MIPOL1: variants seen among roughly 807,000 people sequenced by gnomAD.
The protein encoded by MIPOL1 is mirror-image polydactyly gene 1 protein.
MIPOL1 carries 57 observed loss-of-function variants against 60.9 expected under a neutral mutation model. The ratio of observed to expected loss-of-function variants is 0.94; its 90% CI spans 0.76 to 1.17. The LOEUF is 1.17. Ranked by LOEUF, MIPOL1 falls within the 50% of genes most tolerant of loss-of-function variation. MIPOL1 has a pLI of 0.00. For missense variants in MIPOL1, 551 were observed against 511.6 expected, an observed-to-expected ratio of 1.08 and a Z score of -0.74; for synonymous variants, 179 against 168.8, an observed-to-expected ratio of 1.06 and a Z score of -0.47.
chr14:37,432,468 T>G (rs1327575600), intron 11 of MIPOL1, among the ~76,000 whole-genome samples: 1 of 152,228 alleles, frequency 6.6e-6, no homozygotes, highest in Non-Finnish European at 1.5e-5. Flanking sequence ...TAATAAGAAC[T>G]CATTGATAAA....
chr14:37,292,261 AG>A (rs1484525448), intron 7 of MIPOL1, among the ~76,000 whole-genome samples: 6 of 151,822 alleles, frequency 4.0e-5, no homozygotes, highest in Non-Finnish European at 8.8e-5. Context: ...AGTTTTGGAG[AG>A]GACAAGCATT....
intron 11 of MIPOL1, among the ~76,000 whole-genome samples, chr14:37,480,236 G>A (rs931147359): frequency 6.6e-6 from 1 of 152,050 alleles, no homozygotes; most frequent in African/African-American, 2.4e-5. Flanking sequence ...CCCAGAGTCA[G>A]ACCAGGACAT....
At position 37,200,883 on chromosome 14, in the gene MIPOL1, TGTGTGTGTGTGTGTG is replaced by T. The variant is rs1566965042; in HGVS notation, c.-199+2780_-199+2794del. Among the ~76,000 whole-genome samples, 13 of 107,518 alleles carry T rather than the reference TGTGTGTGTGTGTGTG, an allele frequency of 1.2e-4. No individual in the cohort carries two copies. The East Asian group carries it at 1.3e-3, about 10-fold the overall frequency. The allele number at this position is 107,518 out of a possible 152,430, so 70.5% of individuals were successfully genotyped here. ...GTGTGTGTGTGTGTGTGTGTGTGTGTGTGTGTGTGTGTGTGTATTTTTTTTTTTTTTTTTTTTGAG... is the reference window on the plus strand; with the variant it reads ...GTGTGTGTGTGTGTGTGTGTGTGTGTTATTTTTTTTTTTTTTTTTTTTGAG... On this transcript the variant is annotated intron_variant, in intron 1 of 12. Coordinates refer to ENST00000684589, the MANE Select transcript of MIPOL1 (RefSeq NM_001388067.1).
chr14:37,331,516 T>C (rs1329764214), intron 9 of MIPOL1, among the ~76,000 whole-genome samples: 1 of 151,854 alleles, frequency 6.6e-6, no homozygotes, highest in Non-Finnish European at 1.5e-5. Flanking sequence ...AGATATTTTA[T>C]TTTATTTTTC....
At chr14:37,362,484 G>T (rs2092308384) in intron 9 of MIPOL1, among the ~76,000 whole-genome samples, 2 of 152,204 alleles carry the variant, frequency 1.3e-5, no homozygotes, top group Admixed American at 6.5e-5. Flanking sequence ...TGCACTGTTA[G>T]TCTGATGGGC....
At chr14:37,214,727 T>C (rs1594497192) in intron 1 of MIPOL1, among the ~76,000 whole-genome samples, 1 of 152,288 alleles carries the variant, frequency 6.6e-6, no homozygotes, top group Admixed American at 6.5e-5. Flanking sequence ...GTGTGAGCCC[T>C]CTGTCACGCC....
chr14:37,252,010 A>G (rs1974187417), intron 3 of MIPOL1, among the ~76,000 whole-genome samples: 2 of 151,910 alleles, frequency 1.3e-5, no homozygotes, highest in South Asian at 4.1e-4. Flanking sequence ...CCAAAATTAA[A>G]TATTAAATCT....
chr14:37,338,552 G>T (rs755644845), intron 9 of MIPOL1, among the ~76,000 whole-genome samples: 1 of 151,858 alleles, frequency 6.6e-6, no homozygotes, highest in Non-Finnish European at 1.5e-5. Flanking sequence ...GGGACCATAG[G>T]TGTGCGCCAC....
At chr14:37,455,837 T>G (rs1371882550) in intron 11 of MIPOL1, among the ~76,000 whole-genome samples, 1 of 152,168 alleles carries the variant, frequency 6.6e-6, no homozygotes, top group Non-Finnish European at 1.5e-5. Flanking sequence ...TTGGTGGTGT[T>G]CTGTGAAAAT....
At chr14:37,349,542 T>C (rs2091197534) in intron 9 of MIPOL1, among the ~76,000 whole-genome samples, 1 of 152,186 alleles carries the variant, frequency 6.6e-6, no homozygotes, top group African/African-American at 2.4e-5. Flanking sequence ...CTTGGGGCCT[T>C]TGCACTTACT....
At chr14:37,355,183 T>C (rs1056483688) in intron 9 of MIPOL1, among the ~76,000 whole-genome samples, 9 of 148,768 alleles carry the variant, frequency 6.0e-5, no homozygotes, top group Non-Finnish European at 7.4e-5. Context: ...TTTGGCTGGA[T>C]ATGAAATTCT....
chr14:37,391,401 CT>C (rs10656096), intron 10 of MIPOL1, among the ~76,000 whole-genome samples: 3 of 145,154 alleles, frequency 2.1e-5, no homozygotes, highest in East Asian at 2.0e-4. Context: ...GAAGCCTAAT[CT>C]TTTTTTTTTT....
intron 11 of MIPOL1, among the ~76,000 whole-genome samples, chr14:37,455,658 A>G (rs1424607726): frequency 2.0e-5 from 3 of 152,022 alleles, no homozygotes; most frequent in Non-Finnish European, 2.9e-5. Context: ...TTCACCAGTC[A>G]AATTAGGTGT....
rs553483298 is a variant in MIPOL1 at position 37,371,446 on chromosome 14, A to C, written c.936+1822A>C. ...GTAGCTATATTTTCACTCTTGACAAATATACTATATTAAAATCTTTTCTAG... is the reference window on the plus strand; with the variant it reads ...GTAGCTATATTTTCACTCTTGACAACTATACTATATTAAAATCTTTTCTAG... On this transcript the variant is annotated intron_variant, in intron 10 of 12. Transcript: ENST00000684589. Among the ~76,000 whole-genome samples, 47 of 152,296 alleles carry C rather than the reference A, an allele frequency of 3.1e-4. 1 individual carries two copies. Among genetic ancestry groups the C allele is most frequent in the African/African-American group, 1.1e-3 (47 of 41,570 alleles).
intron 9 of MIPOL1, among the ~76,000 whole-genome samples, chr14:37,347,552 A>G (rs2091031120): frequency 6.6e-6 from 1 of 152,196 alleles, no homozygotes; most frequent in Admixed American, 6.5e-5. Flanking sequence ...ATTCCAAGAG[A>G]TGATAGCTGT....
chr14:37,436,207 C>T (rs1028954549), intron 11 of MIPOL1, among the ~76,000 whole-genome samples: 2 of 152,132 alleles, frequency 1.3e-5, no homozygotes, highest in African/African-American at 4.8e-5. Flanking sequence ...TGACATTCTT[C>T]TTCCACTTGA....
At chr14:37,367,746 TA>T (rs1248204655) in intron 9 of MIPOL1, among the ~76,000 whole-genome samples, 1 of 152,078 alleles carries the variant, frequency 6.6e-6, no homozygotes, top group Admixed American at 6.6e-5. Context: ...TTAATCTTAA[TA>T]ATTTTATATT....
At chr14:37,285,594 T>C in intron 7 of MIPOL1, 147 bp downstream of exon 7, 1 of 842,750 alleles carries the variant, frequency 1.2e-6, no homozygotes, top group East Asian at 3.0e-5. Flanking sequence ...TTTTTTTCTT[T>C]TCTTTTTTTT....
At chr14:37,214,589 G>T (rs1282216481) in intron 1 of MIPOL1, among the ~76,000 whole-genome samples, 4 of 151,892 alleles carry the variant, frequency 2.6e-5, no homozygotes, top group Non-Finnish European at 4.4e-5. Flanking sequence ...TTAATCATTA[G>T]TTTGTAGCAA....
Sources: allele counts gnomAD v4.1 joint callset (sites outside exome capture counted in the v4.1 genomes callset), GRCh38; gene constraint gnomAD v4.1.1; transcripts MANE v1.5; gene names NCBI Gene and HGNC (gene_info 2026-07-23, HGNC 2026-07-21).